Variants in NDRG1 observed in about 807,000 individuals in gnomAD.
NDRG1 encodes protein NDRG1.
NDRG1 carries 32 observed loss-of-function variants against 56.9 expected under a neutral mutation model. The observed-to-expected ratio is 0.56, with a 90% CI of 0.42 to 0.76. NDRG1 has a LOEUF of 0.76. Among genes scored for constraint, NDRG1 ranks in the 30% least tolerant of loss-of-function variants. NDRG1 has a pLI of 0.00. For missense variants in NDRG1, 507 were observed against 545.7 expected (o/e 0.93, Z 0.71); for synonymous variants, 211 against 204.1 (o/e 1.03, Z -0.29).
intron 9 of NDRG1, among the ~76,000 whole-genome samples, chr8:133,251,146 C>A (rs1447864677): frequency 1.3e-5 from 2 of 152,220 alleles, no homozygotes; most frequent in African/African-American, 4.8e-5. Flanking sequence ...CCACGGCCAA[C>A]CAGAGCCTTG....
intron 1 of NDRG1, among the ~76,000 whole-genome samples, chr8:133,291,703 C>T (rs1858438696): frequency 6.6e-6 from 1 of 152,154 alleles, no homozygotes; most frequent in Non-Finnish European, 1.5e-5. Flanking sequence ...ACAGTAGGAA[C>T]TCCTCGAGGG....
Position 133,262,160 on chromosome 8 carries a change from G to A in NDRG1, c.213C>T (p.Thr71=), listed in dbSNP as rs1453202514. 1 of 1,613,978 alleles carries A rather than the reference G, an allele frequency of 6.2e-7. No homozygotes were observed. Among genetic ancestry groups the A allele is most frequent in the Admixed American group, 1.7e-5 (1 of 60,010 alleles). Residue 71 remains threonine, a synonymous_variant, in exon 5 of 16, where the codon ACC becomes ACT. Coordinates refer to ENST00000323851, the MANE Select transcript of NDRG1 (RefSeq NM_006096.4). ...CGTAGTTGAAGAGGGGGTTGTAGCAGGTTTTGTCTGAAGAACAGCAGTGAG... is the reference window on the plus strand; with the variant it reads ...CGTAGTTGAAGAGGGGGTTGTAGCAAGTTTTGTCTGAAGAACAGCAGTGAG... ...TYHDIGMNHK[T]CYNPLFNYED...
At chr8:133,275,449 G>A (rs1368506018) in intron 3 of NDRG1, among the ~76,000 whole-genome samples, 1 of 152,080 alleles carries the variant, frequency 6.6e-6, no homozygotes, top group Non-Finnish European at 1.5e-5. Context: ...AGATCAGAAA[G>A]GCCTTTGCTT....
At chr8:133,269,792 G>A (rs1470062283) in intron 3 of NDRG1, among the ~76,000 whole-genome samples, 2 of 152,212 alleles carry the variant, frequency 1.3e-5, no homozygotes, top group Admixed American at 6.5e-5. Flanking sequence ...CAAAACACTC[G>A]TACCTCCCCA....
chr8:133,277,774 G>T (rs1857537775), intron 3 of NDRG1, among the ~76,000 whole-genome samples: 1 of 152,130 alleles, frequency 6.6e-6, no homozygotes, highest in Non-Finnish European at 1.5e-5. Flanking sequence ...GTGATGTTTG[G>T]CCCGGCACTG....
chr8:133,265,699 CA>C (rs575882294), intron 3 of NDRG1, among the ~76,000 whole-genome samples: 35 of 146,748 alleles, frequency 2.4e-4, no homozygotes, highest in African/African-American at 3.5e-4. Context: ...CTCTGGAAAA[CA>C]AAAAAAAAAG....
intron 3 of NDRG1, among the ~76,000 whole-genome samples, chr8:133,279,270 G>A (rs577804317): frequency 6.6e-6 from 1 of 152,188 alleles, no homozygotes; most frequent in African/African-American, 2.4e-5. Context: ...ACACACCTTG[G>A]TGGTGGTATA....
chr8:133,295,450 G>C (rs371329960), intron 1 of NDRG1, among the ~76,000 whole-genome samples: 1 of 152,092 alleles, frequency 6.6e-6, no homozygotes, highest in African/African-American at 2.4e-5. Context: ...CTTCATCCCC[G>C]ACACTGTGCC....
At position 133,273,225 on chromosome 8, in the gene NDRG1, A is replaced by G. The variant is rs79987559; in HGVS notation, c.99+7007T>C. Among the ~76,000 whole-genome samples the G allele has an allele frequency of 3.6e-3, 544 of 149,936 alleles. 4 individuals are homozygous for G. The highest frequency in any genetic ancestry group is 0.012 in the African/African-American group (509 of 41,116). ...AATCTAACCATCTGAATAACTCAAG[A>G]TCCAGGTGGAGGGAATTAGAAGCAG... On this transcript the variant is annotated intron_variant, in intron 3 of 15. Transcript: ENST00000323851.
intron 13 of NDRG1, 158 bp from the exon 14 acceptor site, chr8:133,244,548 T>C: frequency 2.5e-6 from 2 of 808,176 alleles, no homozygotes; most frequent in Non-Finnish European, 4.1e-6. Flanking sequence ...TAGGGAACAC[T>C]CCAGCCCCAC....
chr8:133,288,037 ACATT>A (rs1858221673), intron 1 of NDRG1, among the ~76,000 whole-genome samples: 1 of 152,180 alleles, frequency 6.6e-6, no homozygotes, highest in Non-Finnish European at 1.5e-5. Context: ...AGACATTCTC[ACATT>A]CACACACTTA....
chr8:133,249,453 AG>A (rs1232741184), intron 10 of NDRG1: 2 of 156,736 alleles, frequency 1.3e-5, no homozygotes, highest in Non-Finnish European at 2.8e-5. Flanking sequence ...GGGAGAACAC[AG>A]GATCTCTTTG....
intron 3 of NDRG1, among the ~76,000 whole-genome samples, chr8:133,274,638 A>C (rs1158628254): frequency 6.6e-6 from 1 of 152,240 alleles, no homozygotes; most frequent in African/African-American, 2.4e-5. Context: ...CAGTAGGCTG[A>C]ACATAAGCCC....
At chr8:133,246,159 A>G (rs1855667291) in intron 13 of NDRG1, among the ~76,000 whole-genome samples, 1 of 152,270 alleles carries the variant, frequency 6.6e-6, no homozygotes, top group Admixed American at 6.5e-5. Flanking sequence ...CATAACTGGC[A>G]AAGGACTGGC....
intron 6 of NDRG1, 23 bp from the exon 7 acceptor site, chr8:133,258,449 A>T (rs1371001198): frequency 6.2e-7 from 1 of 1,601,466 alleles, no homozygotes; most frequent in South Asian, 1.1e-5. Context: ...ATACAAATGC[A>T]TGTCACACAA....
chr8:133,263,392 T>C (rs922226492), intron 4 of NDRG1, among the ~76,000 whole-genome samples: 1 of 152,206 alleles, frequency 6.6e-6, no homozygotes, highest in African/African-American at 2.4e-5. Flanking sequence ...CTCAAGTTCA[T>C]AAAAATTACG....
At chr8:133,265,089 G>A (rs1255358358) in intron 3 of NDRG1, 1 of 253,066 alleles carries the variant, frequency 4.0e-6, no homozygotes, top group Non-Finnish European at 7.9e-6. Flanking sequence ...TCCAAGAACA[G>A]CCCTCAGTTT....
At chr8:133,278,515 G>C (rs1857584718) in intron 3 of NDRG1, among the ~76,000 whole-genome samples, 1 of 152,134 alleles carries the variant, frequency 6.6e-6, no homozygotes, top group African/African-American at 2.4e-5. Context: ...CTCTGGCCAG[G>C]GCATGGGAGA....
intron 3 of NDRG1, among the ~76,000 whole-genome samples, chr8:133,279,714 C>A (rs1259025807): frequency 6.6e-6 from 1 of 152,240 alleles, no homozygotes; most frequent in African/African-American, 2.4e-5. Flanking sequence ...CTGACCCAGC[C>A]CTCGGCTGAG....
Sources: gnomAD v4.1 joint callset for allele counts (sites outside exome capture counted in the v4.1 genomes callset) on GRCh38, gnomAD v4.1.1 for gene constraint, MANE v1.5 for transcripts, NCBI Gene and HGNC (gene_info 2026-07-23, HGNC 2026-07-21) for gene names.